SAMMSON: variants seen among roughly 807,000 people sequenced by gnomAD.
SAMMSON encodes the protein long intergenic non-protein coding RNA 1212.
intron 7 of SAMMSON, among the ~76,000 whole-genome samples, chr3:70,308,244 T>G (rs989361072): frequency 2.6e-5 from 4 of 152,048 alleles, no homozygotes; most frequent in Non-Finnish European, 4.4e-5. Context: ...TTATTTTATT[T>G]TTTTTTTGTA....
intron 3 of SAMMSON, among the ~76,000 whole-genome samples, chr3:70,035,749 T>G (rs2067083051): frequency 6.6e-6 from 1 of 152,182 alleles, no homozygotes; most frequent in African/African-American, 2.4e-5. Context: ...GGAAGGAAAG[T>G]AGGGTCTAGT....
chr3:70,259,300 TAAAG>T (rs1701844339), intron 6 of SAMMSON, among the ~76,000 whole-genome samples: 1 of 152,162 alleles, frequency 6.6e-6, no homozygotes, highest in South Asian at 2.1e-4. Flanking sequence ...TTTATCCATT[TAAAG>T]AAAGTAAGCA....
chr3:70,378,384 T>C (rs1703038396), intron 9 of SAMMSON, among the ~76,000 whole-genome samples: 1 of 151,928 alleles, frequency 6.6e-6, no homozygotes, highest in Non-Finnish European at 1.5e-5. Context: ...TGATTGTACT[T>C]ATATAAAAAT....
intron 4 of SAMMSON, among the ~76,000 whole-genome samples, chr3:70,114,042 G>T (rs2067400226): frequency 6.6e-6 from 1 of 152,210 alleles, no homozygotes; most frequent in Admixed American, 6.5e-5. Flanking sequence ...AGGAGCCTGA[G>T]CTGACTAATG....
chr3:70,362,106 A>C (rs1702875981), intron 9 of SAMMSON, among the ~76,000 whole-genome samples: 1 of 152,188 alleles, frequency 6.6e-6, no homozygotes, highest in Admixed American at 6.5e-5. Context: ...GTGTGGTAGA[A>C]AAAAGGGAAG....
intron 6 of SAMMSON, among the ~76,000 whole-genome samples, chr3:70,280,648 T>C (rs747896569): frequency 6.6e-5 from 10 of 152,214 alleles, no homozygotes; most frequent in South Asian, 6.2e-4. Context: ...AGTCTCATTC[T>C]CCTCTGAGGC....
intron 3 of SAMMSON, among the ~76,000 whole-genome samples, chr3:70,020,870 A>G (rs2067010606): frequency 6.6e-6 from 1 of 152,152 alleles, no homozygotes; most frequent in Admixed American, 6.6e-5. Flanking sequence ...ATACCTTGTT[A>G]TTTAGCAATG....
intron 6 of SAMMSON, among the ~76,000 whole-genome samples, chr3:70,257,507 A>C (rs73119965): frequency 1.9e-3 from 294 of 152,224 alleles, no homozygotes; most frequent in Non-Finnish European, 3.8e-3. Context: ...GAAGGGAAGA[A>C]GGAAGGAAGG....
At chr3:70,411,137 G>A (rs1701215388) in intron 2 of SAMMSON, among the ~76,000 whole-genome samples, 1 of 152,150 alleles carries the variant, frequency 6.6e-6, no homozygotes, top group Admixed American at 6.5e-5. Flanking sequence ...AGCCTGTAAA[G>A]GAGATCTAAA....
At chr3:70,321,718 T>TA in intron 7 of SAMMSON, among the ~76,000 whole-genome samples, 1 of 152,050 alleles carries the variant, frequency 6.6e-6, no homozygotes, top group East Asian at 1.9e-4. Context: ...ACTTTACCTT[T>TA]AAAAAACTAG....
chr3:70,246,811 A>G (rs1701711719), intron 4 of SAMMSON, among the ~76,000 whole-genome samples: 1 of 152,094 alleles, frequency 6.6e-6, no homozygotes, highest in South Asian at 2.1e-4. Context: ...AAAAAACCCA[A>G]TAGACCTTTA....
intron 4 of SAMMSON, among the ~76,000 whole-genome samples, chr3:70,196,519 C>T (rs1013403045): frequency 4.6e-5 from 7 of 152,198 alleles, no homozygotes; most frequent in Admixed American, 1.3e-4. Flanking sequence ...ATTAGAAAGA[C>T]GAGCTAATGT....
chr3:70,102,304 A>G (rs986733679), intron 4 of SAMMSON, among the ~76,000 whole-genome samples: 1 of 152,222 alleles, frequency 6.6e-6, no homozygotes, highest in Admixed American at 6.5e-5. Context: ...TAACAAAGCC[A>G]TCATGAAACT....
chr3:70,355,929 A>T (rs1460438487), intron 8 of SAMMSON, among the ~76,000 whole-genome samples: 2 of 152,186 alleles, frequency 1.3e-5, no homozygotes, highest in Admixed American at 1.3e-4. Context: ...CATATTCTAA[A>T]AAAAAGCTCA....
chr3:70,233,187 G>A (rs1701577657), intron 4 of SAMMSON, among the ~76,000 whole-genome samples: 1 of 152,080 alleles, frequency 6.6e-6, no homozygotes. Flanking sequence ...TCAGAGTTTG[G>A]GTACTAAAAG....
At chr3:70,090,256 T>C (rs947959229) in intron 4 of SAMMSON, among the ~76,000 whole-genome samples, 1 of 152,230 alleles carries the variant, frequency 6.6e-6, no homozygotes, top group Non-Finnish European at 1.5e-5. Flanking sequence ...ATTTTTTCTC[T>C]GGGACATATG....
At chr3:70,310,376 AT>A (rs908489205) in intron 7 of SAMMSON, among the ~76,000 whole-genome samples, 1 of 151,662 alleles carries the variant, frequency 6.6e-6, no homozygotes, top group Non-Finnish European at 1.5e-5. Flanking sequence ...TATTATTATT[AT>A]TTTTTTGAGA....
chr3:70,355,804 A>G (rs1158683136), intron 8 of SAMMSON, among the ~76,000 whole-genome samples: 1 of 152,138 alleles, frequency 6.6e-6, no homozygotes, highest in Non-Finnish European at 1.5e-5. Flanking sequence ...TAAACGGCAC[A>G]CTCAGGCACA....
At chr3:70,196,691 T>C (rs537792205) in intron 4 of SAMMSON, among the ~76,000 whole-genome samples, 51 of 152,324 alleles carry the variant, frequency 3.3e-4, no homozygotes, top group African/African-American at 1.2e-3. Flanking sequence ...TAAGATTTGT[T>C]CATCACATGT....
Sources: allele counts gnomAD v4.1 joint callset (sites outside exome capture counted in the v4.1 genomes callset), GRCh38; gene constraint gnomAD v4.1.1; transcripts MANE v1.5; gene names NCBI Gene and HGNC (gene_info 2026-07-23, HGNC 2026-07-21).